The following SLC25A21 variants were observed in gnomAD, a reference collection of about 807,000 sequenced individuals.
The protein encoded by SLC25A21 is mitochondrial 2-oxodicarboxylate carrier.
SLC25A21 carries 47 observed loss-of-function variants against 43.8 expected under a neutral mutation model. That is an observed-to-expected ratio of 1.07 (90% CI 0.85 to 1.37). The LOEUF (loss-of-function observed/expected upper bound fraction) is 1.37, where lower values mean the gene tolerates loss of function less well. SLC25A21 is among the 40% of genes most tolerant of loss of function. SLC25A21 has a pLI of 0.00. For synonymous variants in SLC25A21, 131 were observed against 121.3 expected (o/e 1.08, Z -0.52); for missense variants, 352 against 350.2 (o/e 1.00, Z -0.04).
chr14:37,017,391 A>G (rs931127035), intron 1 of SLC25A21, among the ~76,000 whole-genome samples: 5 of 152,120 alleles, frequency 3.3e-5, no homozygotes, highest in African/African-American at 9.7e-5. Flanking sequence ...ACATTTATCA[A>G]TTAAGTTCAC....
chr14:37,138,732 A>G (rs894370103), intron 1 of SLC25A21, among the ~76,000 whole-genome samples: 1 of 152,062 alleles, frequency 6.6e-6, no homozygotes, highest in Non-Finnish European at 1.5e-5. Flanking sequence ...AATCTTCTAT[A>G]TATACTAACA....
intron 2 of SLC25A21, among the ~76,000 whole-genome samples, chr14:36,848,080 G>A (rs142187534): frequency 6.6e-6 from 1 of 152,242 alleles, no homozygotes. Context: ...GGAAAAGTCA[G>A]GGTGGAGAGA....
At chr14:36,748,499 T>G (rs778262176) in intron 3 of SLC25A21, among the ~76,000 whole-genome samples, 2 of 152,244 alleles carry the variant, frequency 1.3e-5, no homozygotes, top group African/African-American at 4.8e-5. Flanking sequence ...CTTCTGCATA[T>G]GCACAGTTTT....
chr14:36,798,732 C>T (rs1257344680), intron 3 of SLC25A21, among the ~76,000 whole-genome samples: 2 of 151,968 alleles, frequency 1.3e-5, no homozygotes, highest in Admixed American at 1.3e-4. Flanking sequence ...TGTTGTTTGC[C>T]CTTCATCTCC....
intron 1 of SLC25A21, among the ~76,000 whole-genome samples, chr14:37,100,720 T>C (rs1962801274): frequency 6.6e-6 from 1 of 152,218 alleles, no homozygotes; most frequent in Admixed American, 6.5e-5. Flanking sequence ...AGAGAACAGC[T>C]GCACATGGAG....
Position 36,981,639 on chromosome 14 carries a change from G to A in SLC25A21, c.71-106635C>T, listed in dbSNP as rs1208762145. 2.0e-5 allele frequency among the ~76,000 whole-genome samples: 3 copies of A among 152,138 alleles called. No homozygotes were observed. In the East Asian group the frequency reaches 5.8e-4, roughly 29 times the overall value. On this transcript the variant is annotated intron_variant, in intron 1 of 9. Coordinates refer to ENST00000331299, the MANE Select transcript of SLC25A21 (RefSeq NM_030631.4). ...CACTCATAGGTGGGAATTGAACAATGAGAACACTTGGACACAGGGTGGGGA... is the reference window on the plus strand; with the variant it reads ...CACTCATAGGTGGGAATTGAACAATAAGAACACTTGGACACAGGGTGGGGA...
intron 1 of SLC25A21, among the ~76,000 whole-genome samples, chr14:37,020,501 C>T (rs1960962426): frequency 6.6e-6 from 1 of 151,168 alleles, no homozygotes; most frequent in Non-Finnish European, 1.5e-5. Context: ...CTCCAAATTC[C>T]ACTGGACATT....
intron 1 of SLC25A21, among the ~76,000 whole-genome samples, chr14:36,898,205 T>C (rs956363302): frequency 2.6e-5 from 4 of 152,280 alleles, no homozygotes; most frequent in African/African-American, 7.2e-5. Context: ...CCCGGCCTCT[T>C]TGTTTACCCA....
chr14:36,753,446 G>A (rs927515507), intron 3 of SLC25A21, among the ~76,000 whole-genome samples: 1 of 152,006 alleles, frequency 6.6e-6, no homozygotes, highest in African/African-American at 2.4e-5. Flanking sequence ...TAAAAATGGA[G>A]AGTTTGGGGA....
At chr14:36,754,653 A>G (rs1358892114) in intron 3 of SLC25A21, among the ~76,000 whole-genome samples, 1 of 152,166 alleles carries the variant, frequency 6.6e-6, no homozygotes, top group Non-Finnish European at 1.5e-5. Flanking sequence ...ATCACACAGC[A>G]TACACACTGT....
chr14:36,804,702 T>C (rs999845498), intron 3 of SLC25A21, among the ~76,000 whole-genome samples: 15 of 152,114 alleles, frequency 9.9e-5, no homozygotes, highest in Admixed American at 3.9e-4. Context: ...AGCCCAAAAA[T>C]TCATGAAGTC....
At chr14:37,061,778 A>C (rs932625662) in intron 1 of SLC25A21, among the ~76,000 whole-genome samples, 6 of 152,230 alleles carry the variant, frequency 3.9e-5, no homozygotes, top group African/African-American at 1.4e-4. Flanking sequence ...TATTATAATG[A>C]AAAACACATC....
intron 3 of SLC25A21, among the ~76,000 whole-genome samples, chr14:36,738,847 G>A (rs1885143982): frequency 6.6e-6 from 1 of 152,214 alleles, no homozygotes; most frequent in Non-Finnish European, 1.5e-5. Context: ...AGACAAATCT[G>A]TTGAAATCTT....
intron 1 of SLC25A21, among the ~76,000 whole-genome samples, chr14:37,126,695 G>A (rs1305429927): frequency 6.6e-6 from 1 of 152,162 alleles, no homozygotes; most frequent in Non-Finnish European, 1.5e-5. Flanking sequence ...ACACGAACAT[G>A]TCAACCTGAT....
intron 6 of SLC25A21, among the ~76,000 whole-genome samples, chr14:36,724,056 G>T (rs1884483634): frequency 1.3e-5 from 2 of 152,100 alleles, no homozygotes; most frequent in African/African-American, 4.8e-5. Flanking sequence ...ATATTAATAA[G>T]CCATTTGAAA....
In SLC25A21 at chr14:36,872,321, G is replaced by C. The variant is rs546267922; in HGVS notation, c.119+2635C>G. ...TTTTCTTGCTGAATGAATAACAACA[G>C]GTTCTAAAAATTTACTTTCAAACTC... On this transcript the variant is annotated intron_variant, in intron 2 of 9. Coordinates refer to ENST00000331299, the MANE Select transcript of SLC25A21 (RefSeq NM_030631.4). 3.9e-5 allele frequency among the ~76,000 whole-genome samples: 6 copies of C among 152,090 alleles called. No individual in the cohort carries two copies. In the East Asian group the frequency reaches 1.2e-3, roughly 29 times the overall value.
intron 1 of SLC25A21, among the ~76,000 whole-genome samples, chr14:37,100,284 C>T (rs1962792389): frequency 6.6e-6 from 1 of 152,094 alleles, no homozygotes; most frequent in Non-Finnish European, 1.5e-5. Flanking sequence ...GTCTCGAACT[C>T]CTGACCTCAG....
intron 2 of SLC25A21, among the ~76,000 whole-genome samples, chr14:36,857,333 C>T (rs559839692): frequency 6.6e-6 from 1 of 152,126 alleles, no homozygotes; most frequent in Non-Finnish European, 1.5e-5. Flanking sequence ...GGCAGCACTG[C>T]GGGAGTCTCT....
intron 3 of SLC25A21, among the ~76,000 whole-genome samples, chr14:36,778,751 T>C (rs993504488): frequency 2.6e-5 from 4 of 152,226 alleles, no homozygotes; most frequent in African/African-American, 9.6e-5. Context: ...TTGATACAGG[T>C]ATATATTGTG....
Sources: allele counts gnomAD v4.1 joint callset (sites outside exome capture counted in the v4.1 genomes callset), GRCh38; gene constraint gnomAD v4.1.1; transcripts MANE v1.5; gene names NCBI Gene and HGNC (gene_info 2026-07-23, HGNC 2026-07-21).